The following TBL1XR1 variants were observed in gnomAD, a reference collection of about 807,000 sequenced individuals.
TBL1XR1 encodes F-box-like/WD repeat-containing protein TBL1XR1.
In TBL1XR1, 5 loss-of-function variants were observed where a neutral mutation model predicts 66.9. The ratio of observed to expected loss-of-function variants is 0.07; its 90% CI spans 0.04 to 0.16. The LOEUF (loss-of-function observed/expected upper bound fraction) is 0.16, where lower values mean the gene tolerates loss of function less well. Among genes scored for constraint, TBL1XR1 ranks in the 10% least tolerant of loss-of-function variants. TBL1XR1 has a pLI of 1.00. For synonymous variants in TBL1XR1, 210 were observed against 206.0 expected, an observed-to-expected ratio of 1.02 and a Z score of -0.17; for missense variants, 238 against 623.2, an observed-to-expected ratio of 0.38 and a Z score of 6.58.
chr3:177,036,804 C>G (rs1052374899), intron 12 of TBL1XR1, among the ~76,000 whole-genome samples: 2 of 152,206 alleles, frequency 1.3e-5, no homozygotes, highest in Non-Finnish European at 2.9e-5. Flanking sequence ...GCAGGAAAAT[C>G]AGTTTTCCCT....
intron 2 of TBL1XR1, among the ~76,000 whole-genome samples, chr3:177,069,802 AAGG>A (rs774949463): frequency 0.015 from 986 of 64,860 alleles, 23 homozygotes; most frequent in East Asian, 0.11. Flanking sequence ...GAAAGGAAGG[AAGG>A]AAGGAAGGAA....
intron 1 of TBL1XR1, among the ~76,000 whole-genome samples, chr3:177,163,549 G>A (rs982349398): frequency 1.3e-5 from 2 of 151,570 alleles, no homozygotes; most frequent in South Asian, 2.1e-4. Context: ...GATGTGAGAA[G>A]ATGTAAAATA....
chr3:177,153,996 C>T (rs912506126), intron 1 of TBL1XR1, among the ~76,000 whole-genome samples: 4 of 148,454 alleles, frequency 2.7e-5, no homozygotes, highest in Non-Finnish European at 6.0e-5. Flanking sequence ...TAAATCAAGG[C>T]GCCAAGAAAA....
At position 177,033,149 on chromosome 3, in the gene TBL1XR1, G is replaced by C. The variant is rs764679582; in HGVS notation, c.1251-13C>G. The C allele has an allele frequency of 1.7e-4, 253 of 1,503,000 alleles. 1 individual carries two copies. The highest frequency in any genetic ancestry group is 2.2e-5 in the Non-Finnish European group (25 of 1,116,192). 93.1% of individuals were successfully genotyped at this position (1,503,000 alleles called of 1,614,324 possible). ...ATCAAAGGATGCACTGAAAAAGGAA[G>C]GAAAGAAAGTTAATTTATAAGTAAG... On this transcript the variant is annotated splice_polypyrimidine_tract_variant and intron_variant, in intron 13 of 15. Transcript: ENST00000457928.
At chr3:177,190,941 T>C (rs1470951004) in intron 1 of TBL1XR1, among the ~76,000 whole-genome samples, 1 of 152,150 alleles carries the variant, frequency 6.6e-6, no homozygotes, top group Non-Finnish European at 1.5e-5. Flanking sequence ...GTGATCTTCA[T>C]TAAGTGCAAT....
chr3:177,184,638 C>T (rs776303229), intron 1 of TBL1XR1, among the ~76,000 whole-genome samples: 1 of 152,030 alleles, frequency 6.6e-6, no homozygotes, highest in Non-Finnish European at 1.5e-5. Flanking sequence ...CCCGTCTCTA[C>T]TAAAAATACA....
Position 177,023,895 on chromosome 3 carries a change from GATGACTATTCTCTTCAGAA to G in TBL1XR1, c.*1584_*1602del, listed in dbSNP as rs1157160466. 14 of 152,102 alleles carry G rather than the reference GATGACTATTCTCTTCAGAA, an allele frequency of 9.2e-5. No homozygotes were observed. The highest frequency in any genetic ancestry group is 3.4e-4 in the African/African-American group (14 of 41,524). 9.4% of individuals were successfully genotyped at this position (152,102 alleles called of 1,614,324 possible). The stretch of plus-strand genomic sequence containing the variant: ...ATTAAAATCTTCGAGATATAAATTT[GATGACTATTCTCTTCAGAA>G]ATGACATACCTGGATTATGTTAATC... On this transcript the variant is annotated 3_prime_UTR_variant, in exon 16 of 16. Transcript: ENST00000457928.
chr3:177,195,008 A>C (rs1214528341), intron 1 of TBL1XR1, among the ~76,000 whole-genome samples: 1 of 152,188 alleles, frequency 6.6e-6, no homozygotes, highest in Non-Finnish European at 1.5e-5. Flanking sequence ...TATGCCATTA[A>C]CATGTCACTT....
chr3:177,053,680 TA>T, intron 4 of TBL1XR1, 92 bp downstream of exon 4: 2 of 1,280,504 alleles, frequency 1.6e-6, no homozygotes, highest in Non-Finnish European at 2.2e-6. Context: ...CCTGTGAAGC[TA>T]AAGTCAGAAT....
intron 2 of TBL1XR1, among the ~76,000 whole-genome samples, chr3:177,072,364 C>T (rs1192704643): frequency 6.6e-6 from 1 of 151,530 alleles, no homozygotes; most frequent in Non-Finnish European, 1.5e-5. Flanking sequence ...GCATTTGCAC[C>T]AATGTTACAA....
At chr3:177,093,766 C>T (rs1388573296) in intron 2 of TBL1XR1, among the ~76,000 whole-genome samples, 2 of 152,102 alleles carry the variant, frequency 1.3e-5, no homozygotes, top group African/African-American at 2.4e-5. Context: ...AATTGGCAAG[C>T]CATATGTAGA....
In TBL1XR1 at chr3:177,156,683, A is replaced by G. The variant is rs560351940; in HGVS notation, c.-122+40438T>C. On this transcript the variant is annotated intron_variant, in intron 1 of 15. Coordinates refer to ENST00000457928, the MANE Select transcript of TBL1XR1 (RefSeq NM_024665.7). ...ATGACCCAAATTTTCAAAGGAGCAA[A>G]ATATTTGAACAGTTCACAAAAAGAT... Among the ~76,000 whole-genome samples the G allele has an allele frequency of 5.3e-5, 8 of 152,178 alleles. No homozygotes were observed. The East Asian group carries it at 1.5e-3, about 29-fold the overall frequency.
At chr3:177,180,548 T>C (rs568944777) in intron 1 of TBL1XR1, among the ~76,000 whole-genome samples, 1 of 152,216 alleles carries the variant, frequency 6.6e-6, no homozygotes, top group African/African-American at 2.4e-5. Context: ...TTGCAATCAT[T>C]TTAAGTTCAA....
intron 1 of TBL1XR1, among the ~76,000 whole-genome samples, chr3:177,112,863 C>T (rs763883950): frequency 7.2e-5 from 11 of 151,944 alleles, no homozygotes; most frequent in Admixed American, 1.3e-4. Context: ...ATTAGTCGGG[C>T]GTGGTACCAT....
intron 9 of TBL1XR1, among the ~76,000 whole-genome samples, chr3:177,046,635 A>G (rs1048091248): frequency 5.3e-5 from 8 of 152,322 alleles, no homozygotes; most frequent in Admixed American, 1.3e-4. Context: ...GCAAGAACCT[A>G]AAGTATTGTC....
intron 1 of TBL1XR1, among the ~76,000 whole-genome samples, chr3:177,136,715 G>A (rs553508111): frequency 4.6e-5 from 7 of 152,300 alleles, no homozygotes; most frequent in Admixed American, 4.6e-4. Flanking sequence ...TGGGGCATAA[G>A]TACCATATTT....
intron 1 of TBL1XR1, among the ~76,000 whole-genome samples, chr3:177,125,288 C>T (rs1727470518): frequency 6.6e-6 from 1 of 152,006 alleles, no homozygotes; most frequent in Non-Finnish European, 1.5e-5. Context: ...GGCCAATAAG[C>T]ATATGAAAAT....
At chr3:177,164,068 G>T (rs1732532908) in intron 1 of TBL1XR1, 1 of 152,168 alleles carries the variant, frequency 6.6e-6, no homozygotes, top group East Asian at 1.9e-4. Flanking sequence ...AGAAAGCCCA[G>T]CAGATTATAC....
chr3:177,157,965 A>G (rs2108877549), intron 1 of TBL1XR1, among the ~76,000 whole-genome samples: 1 of 152,222 alleles, frequency 6.6e-6, no homozygotes. Context: ...GAAGATCATA[A>G]ATACTATCCT....
Sources: gnomAD v4.1 joint callset for allele counts (sites outside exome capture counted in the v4.1 genomes callset) on GRCh38, gnomAD v4.1.1 for gene constraint, MANE v1.5 for transcripts, NCBI Gene and HGNC (gene_info 2026-07-23, HGNC 2026-07-21) for gene names.